Variants in PMS2 observed in about 807,000 individuals in gnomAD.
The protein encoded by PMS2 is mismatch repair endonuclease PMS2.
PMS2 carries 69 observed loss-of-function variants against 90.0 expected under a neutral mutation model. The ratio of observed to expected loss-of-function variants is 0.77; its 90% CI spans 0.63 to 0.94. The LOEUF is 0.94. Among genes scored for constraint, PMS2 ranks in the 40% least tolerant of loss-of-function variants. The pLI, the probability that PMS2 is intolerant of heterozygous loss-of-function variation, is 0.00. For missense variants in PMS2, 966 were observed against 1,040.2 expected, an observed-to-expected ratio of 0.93 and a Z score of 0.98; for synonymous variants, 332 against 375.1, an observed-to-expected ratio of 0.89 and a Z score of 1.33.
intron 4 of PMS2, 56 bp from the exon 5 acceptor site, chr7:6,002,692 C>A (rs1182103076): frequency 2.3e-6 from 3 of 1,312,752 alleles, no homozygotes; most frequent in Non-Finnish European, 3.3e-6. Context: ...ATGTTGGGCA[C>A]TGACTACTCT....
chr7:5,996,502 G>A (rs1421366427), intron 7 of PMS2, among the ~76,000 whole-genome samples: 1 of 150,190 alleles, frequency 6.7e-6, no homozygotes, highest in Non-Finnish European at 1.5e-5. Flanking sequence ...TTGCAGGGAG[G>A]CAGAGGTTGC....
At chr7:6,008,889 G>C in intron 1 of PMS2, 108 bp downstream of exon 1, 2 of 1,388,480 alleles carry the variant, frequency 1.4e-6, no homozygotes, top group East Asian at 4.6e-5. Flanking sequence ...GGGCTGCCTC[G>C]CCACGCGCCT....
At chr7:5,995,035 A>T (rs907348381) in intron 8 of PMS2, among the ~76,000 whole-genome samples, 1 of 152,028 alleles carries the variant, frequency 6.6e-6, no homozygotes, top group African/African-American at 2.4e-5. Context: ...GTAGTAGAAA[A>T]AAATATATAT....
chr7:6,007,800 T>G (rs542383287), intron 1 of PMS2, among the ~76,000 whole-genome samples: 2 of 151,606 alleles, frequency 1.3e-5, no homozygotes, highest in East Asian at 3.9e-4. Context: ...TGGAAAGAAG[T>G]ATCTCTAAAA....
At chr7:5,982,689 T>A (rs1782419639) in intron 12 of PMS2, 135 bp downstream of exon 12, 10 of 1,314,986 alleles carry the variant, frequency 7.6e-6, no homozygotes, top group South Asian at 5.1e-5. Context: ...TCTTCTTTTT[T>A]AAAGTAGATA....
chr7:5,989,297 G>A (rs925824575), intron 10 of PMS2, among the ~76,000 whole-genome samples: 1 of 151,946 alleles, frequency 6.6e-6, no homozygotes, highest in Non-Finnish European at 1.5e-5. Context: ...CAGGTGTGGT[G>A]GTGGGCGCCT....
rs1211776855 is a variant in PMS2, at chr7:5,989,478, G to C, written c.1144+322C>G. Among the ~76,000 whole-genome samples, 5 of 152,070 alleles carry C rather than the reference G, an allele frequency of 3.3e-5. No homozygotes were observed. The South Asian group carries it at 1.0e-3, about 32-fold the overall frequency. ...GGGAGTTAAAAATGCAGTCACTGCA[G>C]ACTTCTTCTAATCATATATCTTATA... On this transcript the variant is annotated intron_variant, in intron 10 of 14. Transcript: ENST00000265849.
intron 14 of PMS2, among the ~76,000 whole-genome samples, chr7:5,977,120 A>T (rs1351682739): frequency 2.6e-5 from 4 of 151,184 alleles, no homozygotes; most frequent in African/African-American, 4.8e-5. Flanking sequence ...AGTGGTATGA[A>T]CTTGGCTCAC....
At chr7:6,007,630 A>T (rs1397954821) in intron 1 of PMS2, among the ~76,000 whole-genome samples, 1 of 151,282 alleles carries the variant, frequency 6.6e-6, no homozygotes, top group African/African-American at 2.4e-5. Flanking sequence ...AACCTCCATG[A>T]AAGAGAAATC....
At chr7:6,000,923 G>A (rs940835140) in intron 5 of PMS2, among the ~76,000 whole-genome samples, 2 of 152,082 alleles carry the variant, frequency 1.3e-5, no homozygotes, top group Non-Finnish European at 2.9e-5. Flanking sequence ...CCCAGGAGGT[G>A]GAGGTTGCAG....
At chr7:6,002,296 T>G (rs2128814369) in intron 5 of PMS2, 157 bp downstream of exon 5, 2 of 641,562 alleles carry the variant, frequency 3.1e-6, no homozygotes, top group South Asian at 3.7e-5. Context: ...ATCCTAAAGT[T>G]AAGTCTTTAA....
intron 2 of PMS2, among the ~76,000 whole-genome samples, chr7:6,005,629 G>A (rs1437457103): frequency 3.3e-5 from 5 of 152,078 alleles, no homozygotes; most frequent in African/African-American, 2.4e-5. Flanking sequence ...GAGACACCAC[G>A]CCCAGCTGTT....
At chr7:6,007,486 G>A (rs1583425851) in intron 1 of PMS2, among the ~76,000 whole-genome samples, 1 of 152,260 alleles carries the variant, frequency 6.6e-6, no homozygotes, top group South Asian at 2.1e-4. Flanking sequence ...GTATAAGCAG[G>A]TCTCTGTCTA....
intron 6 of PMS2, 73 bp downstream of exon 6, chr7:5,999,035 C>T (rs2128798059): frequency 7.3e-7 from 1 of 1,375,262 alleles, no homozygotes; most frequent in South Asian, 1.2e-5. Flanking sequence ...CTCCATTCTA[C>T]TGGAAGGGAC....
At chr7:5,978,568 G>C (rs769950523) in intron 13 of PMS2, 28 bp downstream of exon 13, 1 of 1,572,638 alleles carries the variant, frequency 6.4e-7, no homozygotes, top group Non-Finnish European at 8.7e-7. Context: ...ACCACACCCA[G>C]CCGCTATAGT....
At chr7:6,005,836 A>G (rs34421467) in intron 2 of PMS2, 56 bp downstream of exon 2, 8 of 1,607,482 alleles carry the variant, frequency 5.0e-6, no homozygotes, top group Non-Finnish European at 6.8e-6. Flanking sequence ...AATGTTTCTT[A>G]ACTACAACAA....
chr7:6,007,385 G>A (rs1367143607), intron 1 of PMS2, among the ~76,000 whole-genome samples: 1 of 152,102 alleles, frequency 6.6e-6, no homozygotes, highest in Non-Finnish European at 1.5e-5. Context: ...CAAAGTGCTA[G>A]GATTACAGGG....
chr7:5,975,535 C>CT lies in PMS2; in HGVS notation c.2446-1994_2446-1993insA, dbSNP rs1162742031. Among the ~76,000 whole-genome samples, 262 of 44,244 alleles carry CT rather than the reference C, an allele frequency of 5.9e-3. 1 individual carries two copies. Among genetic ancestry groups the CT allele is most frequent in the Middle Eastern group, 0.013 (1 of 80 alleles). 29.0% of individuals were successfully genotyped at this position (44,244 alleles called of 152,430 possible). ...TCTTACCCAAGAGGGCTCCATTCTACCTTTTTTTTTTTTTTTTTTGAGACA... is the reference window on the plus strand; with the variant it reads ...TCTTACCCAAGAGGGCTCCATTCTACTCTTTTTTTTTTTTTTTTTTGAGACA... On this transcript the variant is annotated intron_variant, in intron 14 of 14. Transcript: ENST00000265849.
At chr7:5,993,938 G>GTTATA (rs1353901478) in intron 8 of PMS2, among the ~76,000 whole-genome samples, 2 of 148,156 alleles carry the variant, frequency 1.3e-5, no homozygotes, top group Non-Finnish European at 3.0e-5. Context: ...GACATAGAAT[G>GTTATA]TTATAAAATG....
Sources: allele counts gnomAD v4.1 joint callset (sites outside exome capture counted in the v4.1 genomes callset), GRCh38; gene constraint gnomAD v4.1.1; transcripts MANE v1.5; gene names NCBI Gene and HGNC (gene_info 2026-07-23, HGNC 2026-07-21).